The following OTOF variants were observed in gnomAD, a reference collection of about 807,000 sequenced individuals.
OTOF encodes the protein fer-1-like family member 2.
A neutral mutation model predicts 236.8 loss-of-function variants in OTOF; 218 were observed. That is an observed-to-expected ratio of 0.92 (90% CI 0.82 to 1.03). OTOF has a LOEUF of 1.03. Among genes scored for constraint, OTOF ranks in the 50% least tolerant of loss-of-function variants. The pLI is 0.00. For missense variants in OTOF, 2,590 were observed against 2,694.4 expected (o/e 0.96, Z 0.86); for synonymous variants, 1,041 against 1,072.5 (o/e 0.97, Z 0.57).
intron 30 of OTOF, among the ~76,000 whole-genome samples, chr2:26,471,918 G>A (rs6753348): frequency 0.039 from 5,962 of 151,034 alleles, 168 homozygotes; most frequent in East Asian, 0.15. Flanking sequence ...CCACACTCAT[G>A]CACATTTACC....
Position 26,470,631 on chromosome 2 carries a change from A to G in OTOF, c.3985T>C (p.Trp1329Arg). ...EEPDESMLDW[W>R]SKYFASIDTM... ...TCAATGGAGGCAAAGTACTTGGACCACCAGTCCAGCATGCTCTCGTCTGGC... is the reference window on the plus strand; with the variant it reads ...TCAATGGAGGCAAAGTACTTGGACCGCCAGTCCAGCATGCTCTCGTCTGGC... The change falls in exon 32 of 47, where the codon TGG becomes CGG. Residue 1329 changes from tryptophan to arginine, a missense_variant. Around this residue, in one of 2 missense-constraint regions of OTOF, gnomAD observed 1,211 missense variants for 1,352.8 expected, o/e 0.90. Transcript: ENST00000272371. This position sits in a 1 kb window ranked among gnomAD's most constrained non-coding sequence, Gnocchi z 4.3. 1 of 1,614,086 alleles carries G rather than the reference A, an allele frequency of 6.2e-7. No individual in the cohort carries two copies. Among genetic ancestry groups the G allele is most frequent in the Non-Finnish European group, 8.5e-7 (1 of 1,180,008 alleles).
Position 26,474,443 on chromosome 2 carries a change from C to T in OTOF, c.3288+70G>A, listed in dbSNP as rs1245364526. On this transcript the variant is annotated intron_variant, in intron 26 of 46. Coordinates refer to ENST00000272371, the MANE Select transcript of OTOF (RefSeq NM_194248.3). ...CCAGGCCCCAGCCTTCAGGGTCCAG[C>T]CCCCAGCCCTAGGCCCCAACTCCCA... 2.7e-5 allele frequency: 37 copies of T among 1,392,802 alleles called. No homozygotes were observed. In the South Asian group the frequency reaches 4.1e-4, roughly 15 times the overall value. The allele number at this position is 1,392,802 out of a possible 1,614,324, so 86.3% of individuals were successfully genotyped here.
At chr2:26,482,318 G>C (rs1665560032) in intron 14 of OTOF, 88 bp downstream of exon 14, 18 of 1,246,592 alleles carry the variant, frequency 1.4e-5, no homozygotes, top group Non-Finnish European at 3.5e-6. Context: ...AGCTGATGAC[G>C]GTGGTGTGAA....
At chr2:26,492,877 T>C (rs1037775917) in intron 9 of OTOF, among the ~76,000 whole-genome samples, 8 of 152,178 alleles carry the variant, frequency 5.3e-5, no homozygotes, top group Non-Finnish European at 1.0e-4. Flanking sequence ...GTAGGAGTTT[T>C]CTGGGGGAGC....
intron 9 of OTOF, 86 bp downstream of exon 9, chr2:26,494,856 C>A: frequency 1.3e-6 from 2 of 1,534,512 alleles, no homozygotes; most frequent in Non-Finnish European, 1.8e-6. Context: ...TCCTTGACTT[C>A]CAGCCACTCC....
At chr2:26,458,851 G>C (rs997422543) in intron 46 of OTOF, among the ~76,000 whole-genome samples, 1 of 152,268 alleles carries the variant, frequency 6.6e-6, no homozygotes, top group Non-Finnish European at 1.5e-5. Context: ...AGGACATGGC[G>C]TGCAGCCCCA....
intron 3 of OTOF, among the ~76,000 whole-genome samples, chr2:26,520,752 G>T (rs1301077333): frequency 6.6e-6 from 1 of 152,212 alleles, no homozygotes; most frequent in Admixed American, 6.5e-5. Flanking sequence ...GAGGGAAGGG[G>T]ACTTTTAGCT....
At chr2:26,526,644 T>C (rs576672283) in intron 3 of OTOF, among the ~76,000 whole-genome samples, 2 of 152,364 alleles carry the variant, frequency 1.3e-5, no homozygotes, top group South Asian at 4.1e-4. Flanking sequence ...AGGAATTCTC[T>C]GCCACTAGTA....
In OTOF at chr2:26,503,797, AG is replaced by A; in HGVS notation, c.557del (p.Ser186PhefsTer27). 6.2e-7 allele frequency: 1 copy of A among 1,614,066 alleles called. No individual in the cohort carries two copies. Among genetic ancestry groups the A allele is most frequent in the African/African-American group, 1.3e-5 (1 of 75,054 alleles). ...FSAMKLGKNR[S>X]HKEEPQRPDE... Reference sequence around the variant, plus strand: ...CTGGTCTTTGGGGCTCCTCCTTGTGAGACCGGTTTTTGCCGAGCTTCATGGC... The same window carrying A: ...CTGGTCTTTGGGGCTCCTCCTTGTGAACCGGTTTTTGCCGAGCTTCATGGC... On this transcript the variant is annotated frameshift_variant, in exon 6 of 47. Coordinates refer to ENST00000272371, the MANE Select transcript of OTOF (RefSeq NM_194248.3). LOFTEE classifies it high-confidence loss of function.
intron 1 of OTOF, among the ~76,000 whole-genome samples, chr2:26,540,525 A>T (rs1181228298): frequency 6.6e-6 from 1 of 152,144 alleles, no homozygotes; most frequent in African/African-American, 2.4e-5. Flanking sequence ...TCCCTCCGGG[A>T]ACTGACCTCT....
chr2:26,543,727 A>T (rs962765904), intron 1 of OTOF, among the ~76,000 whole-genome samples: 2 of 152,076 alleles, frequency 1.3e-5, no homozygotes, highest in Non-Finnish European at 2.9e-5. Flanking sequence ...TTTTGAATTT[A>T]TTTTTTTGAG....
chr2:26,546,748 G>GTTTTTTTTTTTTTTTTTTTTTTTTTGTT (rs35627471), intron 1 of OTOF, among the ~76,000 whole-genome samples: 1 of 142,142 alleles, frequency 7.0e-6, no homozygotes, highest in African/African-American at 2.6e-5. Context: ...TACATGTTTG[G>GTTTTTTTTTTTTTTTTTTTTTTTTTGTT]TTTTTTTTTT....
intron 8 of OTOF, among the ~76,000 whole-genome samples, chr2:26,501,336 G>A (rs1666111525): frequency 6.6e-6 from 1 of 152,180 alleles, no homozygotes; most frequent in Admixed American, 6.5e-5. Context: ...AAACAGAATC[G>A]TCATTACTTC....
At chr2:26,519,206 C>T (rs1482273173) in intron 3 of OTOF, 97 bp from the exon 4 acceptor site, 3 of 846,738 alleles carry the variant, frequency 3.5e-6, no homozygotes, top group Non-Finnish European at 5.8e-6. Flanking sequence ...GGGGAGGACT[C>T]AGGTGGGCTT....
chr2:26,463,357 A>AG (rs1327562739), intron 41 of OTOF, 126 bp downstream of exon 41: 2 of 788,372 alleles, frequency 2.5e-6, no homozygotes, highest in African/African-American at 3.4e-5. Context: ...GGCCACACCC[A>AG]GGCCCCAGGG....
rs748338388 is a variant in OTOF, at chr2:26,494,924, C to A, written c.897+18G>T. On this transcript the variant is annotated intron_variant, in intron 9 of 46. Transcript: ENST00000272371. ...CTGCCATATTTACAGAGGCTCCTTT[C>A]CCCACAGGGCCACTGACCTCGTTGT... The A allele has an allele frequency of 4.1e-5, 66 of 1,613,930 alleles. No homozygotes were observed. In the Admixed American group the frequency reaches 1.0e-3, roughly 26 times the overall value.
chr2:26,460,563 T>G lies in OTOF; in HGVS notation c.5813+84A>C. ...AATGAGGCTGTGGCCCAGGAAGAGA[T>G]GGGGTGTCTGGGGATCGTCTCCTTC... is the stretch of plus-strand genomic sequence containing the variant. On this transcript the variant is annotated intron_variant, in intron 45 of 46. Coordinates refer to ENST00000272371, the MANE Select transcript of OTOF (RefSeq NM_194248.3). The surrounding 1 kb of genome is among the most constrained non-coding windows in gnomAD (Gnocchi z 5.3). 9.4e-7 allele frequency: 1 copy of G among 1,060,846 alleles called. No homozygotes were observed. The highest frequency in any genetic ancestry group is 1.4e-6 in the Non-Finnish European group (1 of 691,346). 65.7% of individuals were successfully genotyped at this position (1,060,846 alleles called of 1,614,324 possible).
intron 26 of OTOF, 115 bp from the exon 27 acceptor site, chr2:26,474,225 C>T: frequency 1.4e-6 from 2 of 1,434,366 alleles, no homozygotes; most frequent in Non-Finnish European, 1.9e-6. Context: ...GGACCACGCC[C>T]CCAGCTTTGG....
rs1255564116 is a variant in OTOF at position 26,457,811 on chromosome 2, A to C, written c.*427T>G. ...GAGACCCATTCCAGGTCCCCACCCC[A>C]TCCAAGGCTCCCCAGCCCACAGGCA... On this transcript the variant is annotated 3_prime_UTR_variant, in exon 47 of 47. Transcript: ENST00000272371. The surrounding 1 kb of genome is among the most constrained non-coding windows in gnomAD (Gnocchi z 4.4). The C allele has an allele frequency of 7.2e-6, 4 of 555,198 alleles. No individual in the cohort carries two copies. The East Asian group carries it at 1.2e-4, about 17-fold the overall frequency. 34.4% of individuals were successfully genotyped at this position (555,198 alleles called of 1,614,324 possible). A position where few individuals can be genotyped will look rare whatever the true frequency, so the allele number is the denominator to read the frequency against.
Sources: gnomAD v4.1 joint callset for allele counts (sites outside exome capture counted in the v4.1 genomes callset) on GRCh38, gnomAD v4.1.1 for gene constraint, gnomAD v4.1.1 regional missense constraint, Gnocchi (gnomAD v3.1) non-coding constraint, MANE v1.5 for transcripts, NCBI Gene and HGNC (gene_info 2026-07-23, HGNC 2026-07-21) for gene names.